Variants in USP40 observed in about 807,000 individuals in gnomAD.
USP40 encodes ubiquitin specific peptidase 40.
USP40 carries 143 observed loss-of-function variants against 166.2 expected under a neutral mutation model. That is an observed-to-expected ratio of 0.86 (90% CI 0.75 to 0.99). The LOEUF (loss-of-function observed/expected upper bound fraction) is 0.99, where lower values mean the gene tolerates loss of function less well. Ranked by LOEUF, USP40 falls within the 50% of genes least tolerant of loss-of-function variation. The pLI is 0.00. For synonymous variants in USP40, 498 were observed against 524.0 expected (o/e 0.95, Z 0.68); for missense variants, 1,444 against 1,479.7 (o/e 0.98, Z 0.40).
chr2:233,493,424 C>T lies in USP40; in HGVS notation c.2917+1G>A. The T allele has an allele frequency of 1.2e-6, 2 of 1,613,972 alleles. No homozygotes were observed. The highest frequency in any genetic ancestry group is 1.7e-6 in the Non-Finnish European group (2 of 1,179,878). ...CTGCTGAAATCCCATTCTGTTCTCACCTTGGCTGGAAGTGGCTCTCCAAAC... is the reference window on the plus strand; with the variant it reads ...CTGCTGAAATCCCATTCTGTTCTCATCTTGGCTGGAAGTGGCTCTCCAAAC... On this transcript the variant is annotated splice_donor_variant, in intron 25 of 31. Transcript: ENST00000678225. LOFTEE classifies it high-confidence loss of function. This position sits in a 1 kb window ranked among gnomAD's most constrained non-coding sequence, Gnocchi z 4.7.
chr2:233,499,980 C>T (rs2065970689), intron 21 of USP40, 65 bp from the exon 22 acceptor site: 1 of 1,436,208 alleles, frequency 7.0e-7, no homozygotes, highest in African/African-American at 1.4e-5. Flanking sequence ...AGGACAAACA[C>T]CCTTTTTGGA....
intron 6 of USP40, among the ~76,000 whole-genome samples, chr2:233,553,712 C>T (rs2070790625): frequency 6.6e-6 from 1 of 152,198 alleles, no homozygotes; most frequent in Non-Finnish European, 1.5e-5. Context: ...AATTATACTA[C>T]AGGAATGGCT....
At position 233,523,179 on chromosome 2, in the gene USP40, T is replaced by G. The variant is rs772187367; in HGVS notation, c.2192A>C (p.Asp731Ala). The G allele has an allele frequency of 1.7e-5, 28 of 1,609,074 alleles. No individual in the cohort carries two copies. The highest frequency in any genetic ancestry group is 2.4e-5 in the Non-Finnish European group (28 of 1,176,248). Residue 731 changes from aspartate (D) to alanine (A), a missense_variant, in exon 16 of 32, where the codon GAT becomes GCT. Transcript: ENST00000678225. ...GSSILIQDSH[D>A]DNSLLTKEEK... ...CTTGTTAGCGAGTTACCTGTTATCA[T>G]CATGAGAATCCTGAATTAAAATTGA...
chr2:233,551,261 G>T, intron 7 of USP40, 115 bp downstream of exon 7: 2 of 1,157,530 alleles, frequency 1.7e-6, no homozygotes, highest in South Asian at 1.8e-5. Flanking sequence ...AACTGAAAAT[G>T]TCAATGGTGC....
intron 24 of USP40, among the ~76,000 whole-genome samples, chr2:233,495,426 A>T (rs1476145834): frequency 6.6e-6 from 1 of 151,698 alleles, no homozygotes; most frequent in Non-Finnish European, 1.5e-5. Flanking sequence ...TTACTTTTTA[A>T]ATTTTTATTG....
chr2:233,521,228 C>G, intron 16 of USP40, 114 bp from the exon 17 acceptor site: 1 of 1,223,050 alleles, frequency 8.2e-7, no homozygotes, highest in Non-Finnish European at 1.1e-6. Flanking sequence ...TCTACTGAGT[C>G]GTCTCTATGA....
At chr2:233,507,926 A>G (rs2066543157) in intron 21 of USP40, among the ~76,000 whole-genome samples, 1 of 152,160 alleles carries the variant, frequency 6.6e-6, no homozygotes, top group South Asian at 2.1e-4. Flanking sequence ...ACATATATGT[A>G]CCAGAATATT....
intron 21 of USP40, among the ~76,000 whole-genome samples, chr2:233,504,024 G>A (rs947742773): frequency 8.5e-5 from 13 of 152,072 alleles, no homozygotes; most frequent in Non-Finnish European, 5.9e-5. Context: ...AAATTGTAGA[G>A]GGAAGGGAAA....
At chr2:233,509,823 A>G (rs2066670554) in intron 21 of USP40, among the ~76,000 whole-genome samples, 1 of 145,700 alleles carries the variant, frequency 6.9e-6, no homozygotes, top group Non-Finnish European at 1.5e-5. Context: ...CCTGGGTGAC[A>G]GAGTTGAGAC....
chr2:233,564,289 G>C (rs765204976), intron 2 of USP40, among the ~76,000 whole-genome samples: 10 of 152,158 alleles, frequency 6.6e-5, no homozygotes, highest in Non-Finnish European at 1.5e-4. Context: ...AACCAGATAG[G>C]ATGAGTCAGG....
intron 6 of USP40, among the ~76,000 whole-genome samples, chr2:233,554,103 C>CT (rs1268569600): frequency 3.9e-5 from 6 of 152,214 alleles, no homozygotes; most frequent in South Asian, 2.1e-4. Flanking sequence ...ATATATACAA[C>CT]TTTTTTCACA....
chr2:233,559,705 AT>A, intron 4 of USP40, 105 bp downstream of exon 4: 1 of 650,778 alleles, frequency 1.5e-6, no homozygotes, highest in Non-Finnish European at 2.4e-6. Context: ...TTCAAACAAT[AT>A]GTTGAGACCC....
chr2:233,507,200 G>A (rs897920211), intron 21 of USP40, among the ~76,000 whole-genome samples: 2 of 152,086 alleles, frequency 1.3e-5, no homozygotes, highest in African/African-American at 2.4e-5. Context: ...GTGGTGAAAA[G>A]GGAACATTTA....
chr2:233,556,115 C>CAA (rs774757577), intron 5 of USP40, among the ~76,000 whole-genome samples: 4 of 92,624 alleles, frequency 4.3e-5, no homozygotes, highest in African/African-American at 8.3e-5. Context: ...GACTCCATCT[C>CAA]AAAAAAAAAA....
chr2:233,522,295 G>A (rs894162222), intron 16 of USP40, among the ~76,000 whole-genome samples: 2 of 152,166 alleles, frequency 1.3e-5, no homozygotes, highest in Non-Finnish European at 2.9e-5. Flanking sequence ...GGTCCCTTCT[G>A]TCTTCACTTT....
chr2:233,479,530 T>A (rs190285805), intron 31 of USP40, among the ~76,000 whole-genome samples: 1 of 148,968 alleles, frequency 6.7e-6, no homozygotes, highest in Admixed American at 6.7e-5. Context: ...GCCACTGCAC[T>A]CCAGCCTGGC....
chr2:233,488,226 G>C lies in USP40; in HGVS notation c.3197+13C>G, dbSNP rs539850180. On this transcript the variant is annotated intron_variant, in intron 28 of 31. Transcript: ENST00000678225. ...CGTGTGTGTCACTTCAGATGCACAGGAGAATTTCTTACCCCAAGTTTTCGC... is the reference window on the plus strand; with the variant it reads ...CGTGTGTGTCACTTCAGATGCACAGCAGAATTTCTTACCCCAAGTTTTCGC... The C allele has an allele frequency of 1.3e-6, 2 of 1,597,372 alleles. No homozygotes were observed. The highest frequency in any genetic ancestry group is 2.7e-5 in the African/African-American group (2 of 74,878).
intron 11 of USP40, among the ~76,000 whole-genome samples, chr2:233,532,908 G>T (rs186340173): frequency 1.3e-5 from 2 of 152,102 alleles, no homozygotes; most frequent in South Asian, 4.1e-4. Flanking sequence ...CAGCCTGGAC[G>T]AGAGAGTGAG....
chr2:233,479,632 T>C (rs1272626640), intron 31 of USP40, among the ~76,000 whole-genome samples: 1 of 140,536 alleles, frequency 7.1e-6, no homozygotes, highest in Non-Finnish European at 1.5e-5. Context: ...ATTTTACGTG[T>C]GTGTGTGTGT....
Sources: gnomAD v4.1 joint callset for allele counts (sites outside exome capture counted in the v4.1 genomes callset) on GRCh38, gnomAD v4.1.1 for gene constraint, Gnocchi (gnomAD v3.1) non-coding constraint, MANE v1.5 for transcripts, NCBI Gene and HGNC (gene_info 2026-07-23, HGNC 2026-07-21) for gene names.